Variants in NVL observed in about 807,000 individuals in gnomAD.
NVL encodes nuclear valosin-containing protein-like.
NVL carries 84 observed loss-of-function variants against 110.2 expected under a neutral mutation model. That is an observed-to-expected ratio of 0.76 (90% CI 0.64 to 0.91). The LOEUF is 0.91. Ranked by LOEUF, NVL falls within the 40% of genes least tolerant of loss-of-function variation. NVL has a pLI of 0.00. For synonymous variants in NVL, 354 were observed against 361.1 expected, an observed-to-expected ratio of 0.98 and a Z score of 0.22; for missense variants, 882 against 1,035.9, an observed-to-expected ratio of 0.85 and a Z score of 2.04.
chr1:224,287,942 C>T lies in NVL; in HGVS notation c.1627G>A (p.Glu543Lys), dbSNP rs368441092. ...ATGCACAGTCCTTGCATCTGCTCCTCTGAGAGGGGATCTTGGTCTCTTAGC... is the reference window on the plus strand; with the variant it reads ...ATGCACAGTCCTTGCATCTGCTCCTTTGAGAGGGGATCTTGGTCTCTTAGC... ...GLLRDQDPLS[E>K]EQMQGLCIEL... Residue 543 changes from glutamate (E) to lysine (K), a missense_variant, in exon 14 of 23, where the codon GAG (glutamate) becomes AAG (lysine). Glu to Lys is a moderately conservative substitution (Grantham distance 56). Around this residue, in one of 4 missense-constraint regions of NVL, gnomAD observed 416 missense variants for 499.3 expected, o/e 0.83. Transcript: ENST00000281701. 3.9e-5 allele frequency: 63 copies of T among 1,613,702 alleles called. No individual in the cohort carries two copies. The highest frequency in any genetic ancestry group is 5.1e-5 in the Non-Finnish European group (60 of 1,180,006).
At chr1:224,292,705 T>C (rs982713913) in intron 12 of NVL, among the ~76,000 whole-genome samples, 6 of 151,886 alleles carry the variant, frequency 4.0e-5, no homozygotes, top group African/African-American at 1.5e-4. Context: ...CCCACACTGT[T>C]CCTGGACCTC....
At chr1:224,275,209 A>G (rs1019158117) in intron 17 of NVL, 130 bp downstream of exon 17, 27 of 1,039,794 alleles carry the variant, frequency 2.6e-5, no homozygotes, top group Middle Eastern at 5.3e-4. Context: ...TTGATTTCAA[A>G]TTACTAAGTG....
At chr1:224,311,366 T>G (rs900498098) in intron 5 of NVL, among the ~76,000 whole-genome samples, 1 of 151,528 alleles carries the variant, frequency 6.6e-6, no homozygotes, top group Non-Finnish European at 1.5e-5. Context: ...TAGCCTTATT[T>G]TTTTTTTTAA....
At chr1:224,303,435 CAA>C (rs397967411) in intron 9 of NVL, among the ~76,000 whole-genome samples, 3 of 105,180 alleles carry the variant, frequency 2.9e-5, no homozygotes, top group Admixed American at 2.1e-4. Flanking sequence ...ACTCTGTCTC[CAA>C]AAAAAAAAAA....
intron 1 of NVL, 78 bp downstream of exon 1, chr1:224,329,993 C>A: frequency 7.1e-7 from 1 of 1,405,686 alleles, no homozygotes; most frequent in South Asian, 1.2e-5. Flanking sequence ...CACCTGGATG[C>A]CACCCGACAA....
rs59234350 is a variant in NVL at position 224,308,483 on chromosome 1, G to A, written c.343-220C>T. Among the ~76,000 whole-genome samples, 1,261 of 151,672 alleles carry A rather than the reference G, an allele frequency of 8.3e-3. 22 individuals carry two copies. Among genetic ancestry groups the A allele is most frequent in the African/African-American group, 0.03 (1,221 of 41,346 alleles). On this transcript the variant is annotated intron_variant, in intron 5 of 22. Transcript: ENST00000281701. The stretch of plus-strand genomic sequence containing the variant: ...AGGTGGGCAGATCACTTGAGGTCAG[G>A]AGTTCAAGACCAGCCTAGCCAACAT...
chr1:224,259,020 G>C (rs1166300417), intron 18 of NVL, among the ~76,000 whole-genome samples: 3 of 145,502 alleles, frequency 2.1e-5, no homozygotes, highest in African/African-American at 7.5e-5. Flanking sequence ...TAGATTAGTG[G>C]TTGCCTAAGG....
intron 18 of NVL, among the ~76,000 whole-genome samples, chr1:224,255,513 C>T (rs1663117550): frequency 6.6e-6 from 1 of 152,120 alleles, no homozygotes. Context: ...AGTTTTTAAT[C>T]CTTTATCAGA....
chr1:224,291,937 T>C (rs1667420113), intron 12 of NVL, among the ~76,000 whole-genome samples: 1 of 152,244 alleles, frequency 6.6e-6, no homozygotes, highest in Non-Finnish European at 1.5e-5. Flanking sequence ...ACCACTGTTC[T>C]AGCTCCAGCT....
At chr1:224,272,400 T>C (rs1406051248) in intron 17 of NVL, among the ~76,000 whole-genome samples, 1 of 151,890 alleles carries the variant, frequency 6.6e-6, no homozygotes, top group African/African-American at 2.4e-5. Context: ...GTTTTTAGAA[T>C]CTGCTTTAGG....
chr1:224,237,591 T>G (rs1277645142), intron 19 of NVL, among the ~76,000 whole-genome samples: 1 of 152,140 alleles, frequency 6.6e-6, no homozygotes, highest in Non-Finnish European at 1.5e-5. Context: ...ACAAGCTTTT[T>G]CTTCCCTCCA....
chr1:224,317,729 C>T lies in NVL; in HGVS notation c.249G>A (p.Leu83=), dbSNP rs1655375498. ...KNLTELEDEH[L]AKRARQGEED... ...CTTCACCTTGTCTTGCCCTTTTTGC[C>T]AAATGTTCATCTTCTAATTCTGTTA... The change falls in exon 4 of 23, where the codon TTG becomes TTA. Residue 83 remains leucine, a synonymous_variant. Coordinates refer to ENST00000281701, the MANE Select transcript of NVL (RefSeq NM_002533.4). 6.2e-7 allele frequency: 1 copy of T among 1,608,650 alleles called. No homozygotes were observed.
At chr1:224,304,916 T>C in intron 7 of NVL, 104 bp from the exon 8 acceptor site, 1 of 1,501,020 alleles carries the variant, frequency 6.7e-7, no homozygotes, top group Non-Finnish European at 9.2e-7. Flanking sequence ...AATATAGAAA[T>C]ATTTCCTGGT....
At chr1:224,325,513 C>T (rs1304228534) in intron 2 of NVL, among the ~76,000 whole-genome samples, 3 of 151,738 alleles carry the variant, frequency 2.0e-5, no homozygotes, top group African/African-American at 7.3e-5. Context: ...GTGGGCGGAT[C>T]ACCTGAGGTC....
chr1:224,239,448 G>A (rs1335278854), intron 19 of NVL, among the ~76,000 whole-genome samples: 1 of 152,126 alleles, frequency 6.6e-6, no homozygotes, highest in Non-Finnish European at 1.5e-5. Context: ...TTCTTGCTAT[G>A]GTGGTGGGGC....
chr1:224,269,129 C>T (rs957391033), intron 17 of NVL, among the ~76,000 whole-genome samples: 5 of 145,436 alleles, frequency 3.4e-5, no homozygotes, highest in African/African-American at 7.7e-5. Flanking sequence ...ACTCTGTAGC[C>T]GAGGCTAGAG....
chr1:224,288,006 A>G lies in NVL; in HGVS notation c.1576-13T>C. ...TTTGTAATTCATCCTTGAAGGGAAC[A>G]ATAGAGGGGAAAAAAATAAAGAAAC... is the stretch of plus-strand genomic sequence containing the variant. On this transcript the variant is annotated splice_polypyrimidine_tract_variant and intron_variant, in intron 13 of 22. Transcript: ENST00000281701. 1 of 1,587,964 alleles carries G rather than the reference A, an allele frequency of 6.3e-7. No homozygotes were observed. Among genetic ancestry groups the G allele is most frequent in the Non-Finnish European group, 8.6e-7 (1 of 1,159,710 alleles).
chr1:224,296,695 T>TA (rs1251657221), intron 10 of NVL, 77 bp from the exon 11 acceptor site: 29 of 884,014 alleles, frequency 3.3e-5, no homozygotes, highest in East Asian at 5.2e-5. Context: ...ATATACATTT[T>TA]AAAAAAAATC....
intron 6 of NVL, among the ~76,000 whole-genome samples, chr1:224,306,551 C>A (rs547645831): frequency 7.9e-5 from 12 of 152,166 alleles, no homozygotes; most frequent in Non-Finnish European, 1.8e-4. Context: ...CAGGTGTGAG[C>A]CACTGCACCC....
Sources: allele counts gnomAD v4.1 joint callset (sites outside exome capture counted in the v4.1 genomes callset), GRCh38; gene constraint gnomAD v4.1.1; regional missense constraint gnomAD v4.1.1; transcripts MANE v1.5; gene names NCBI Gene and HGNC (gene_info 2026-07-23, HGNC 2026-07-21).